AGMO: variants seen among roughly 807,000 people sequenced by gnomAD.
AGMO encodes the protein alkylglycerol monooxygenase.
Under a neutral mutation model 60.2 loss-of-function variants are expected in AGMO, and 75 were observed. That is an observed-to-expected ratio of 1.25 (90% CI 1.03 to 1.51). The LOEUF (loss-of-function observed/expected upper bound fraction) is 1.51. Among genes scored for constraint, AGMO ranks in the 40% most tolerant of loss-of-function variants. The pLI is 0.00. For synonymous variants in AGMO, 261 were observed against 177.1 expected (o/e 1.47, Z -3.76); for missense variants, 763 against 525.5 (o/e 1.45, Z -4.42).
At chr7:15,352,934 C>T (rs1170666471) in intron 12 of AGMO, among the ~76,000 whole-genome samples, 1 of 151,998 alleles carries the variant, frequency 6.6e-6, no homozygotes, top group Non-Finnish European at 1.5e-5. Context: ...TCATTTGGGG[C>T]ATATATTTCA....
intron 5 of AGMO, among the ~76,000 whole-genome samples, chr7:15,398,638 G>C (rs1784473652): frequency 6.6e-6 from 1 of 152,128 alleles, no homozygotes. Flanking sequence ...GTCTAGCTTT[G>C]AATCACTTCC....
At chr7:15,316,410 C>T (rs916210901) in intron 12 of AGMO, among the ~76,000 whole-genome samples, 2 of 152,110 alleles carry the variant, frequency 1.3e-5, no homozygotes, top group African/African-American at 4.8e-5. Context: ...TGGGGGCCCA[C>T]TTGAGGGCCA....
At chr7:15,120,056 T>G in the AGMO span, among the ~76,000 whole-genome samples, 1 of 152,046 alleles carries the variant, frequency 6.6e-6, no homozygotes, top group Non-Finnish European at 1.5e-5. Flanking sequence ...TGTTTACTCA[T>G]TACTAGATCT....
chr7:15,205,634 TTAAG>T (rs1420275852), intron 12 of AGMO, among the ~76,000 whole-genome samples: 1 of 152,134 alleles, frequency 6.6e-6, no homozygotes, highest in African/African-American at 2.4e-5. Flanking sequence ...TTGAGTTACT[TTAAG>T]TATAAAATGG....
chr7:15,360,461 T>A (rs1414318425), intron 12 of AGMO, among the ~76,000 whole-genome samples: 1 of 152,222 alleles, frequency 6.6e-6, no homozygotes, highest in Non-Finnish European at 1.5e-5. Context: ...ATGCTGAATG[T>A]ATGATACACT....
At chr7:15,560,027 T>C in intron 2 of AGMO, 114 bp downstream of exon 2, 1 of 1,093,524 alleles carries the variant, frequency 9.1e-7, no homozygotes, top group East Asian at 2.7e-5. Flanking sequence ...TGAACTGAAT[T>C]TTTTGGGAAA....
At chr7:15,190,138 TA>T in the AGMO span, among the ~76,000 whole-genome samples, 1 of 1,588 alleles carries the variant, frequency 6.3e-4, no homozygotes, top group African/African-American at 2.4e-3. Flanking sequence ...TATATATATA[TA>T]TATATATATA....
chr7:15,441,909 A>AT (rs1781568376), intron 3 of AGMO, among the ~76,000 whole-genome samples: 1 of 152,188 alleles, frequency 6.6e-6, no homozygotes, highest in African/African-American at 2.4e-5. Context: ...GAGTGGATGT[A>AT]TATTACCCCT....
chr7:15,171,479 T>C, the AGMO span, among the ~76,000 whole-genome samples: 7 of 152,276 alleles, frequency 4.6e-5, no homozygotes, highest in East Asian at 1.2e-3. Flanking sequence ...AGTCACTGTG[T>C]TTGGTCTAGA....
chr7:15,234,051 CACAA>C (rs1031691554), intron 12 of AGMO, among the ~76,000 whole-genome samples: 13 of 152,130 alleles, frequency 8.5e-5, no homozygotes, highest in Middle Eastern at 3.4e-3. Flanking sequence ...TTCGTCTCAA[CACAA>C]ACAAACAATA....
intron 3 of AGMO, among the ~76,000 whole-genome samples, chr7:15,472,124 T>C (rs1782463924): frequency 6.6e-6 from 1 of 151,918 alleles, no homozygotes; most frequent in South Asian, 2.1e-4. Context: ...ATTAAACTCC[T>C]TGAGGTTAAG....
At chr7:15,519,287 A>T (rs1562548780) in intron 3 of AGMO, among the ~76,000 whole-genome samples, 1 of 152,102 alleles carries the variant, frequency 6.6e-6, no homozygotes, top group Non-Finnish European at 1.5e-5. Context: ...CCAACATTCA[A>T]ATTCAGGAAA....
chr7:15,360,893 A>G (rs1782724578), intron 12 of AGMO, among the ~76,000 whole-genome samples: 3 of 152,148 alleles, frequency 2.0e-5, no homozygotes, highest in Admixed American at 2.0e-4. Flanking sequence ...TGCAGATAAA[A>G]TCAGGTTATG....
chr7:15,221,602 A>T (rs550020717), intron 12 of AGMO, among the ~76,000 whole-genome samples: 85 of 152,260 alleles, frequency 5.6e-4, no homozygotes, highest in Non-Finnish European at 1.1e-3. Context: ...GAAGCAGGAT[A>T]TGCTACGTGG....
intron 3 of AGMO, among the ~76,000 whole-genome samples, chr7:15,442,540 C>T (rs764010416): frequency 1.3e-5 from 2 of 152,130 alleles, no homozygotes; most frequent in Non-Finnish European, 1.5e-5. Context: ...ACATTACATC[C>T]AAACCCAAAT....
At chr7:15,131,562 T>C in the AGMO span, among the ~76,000 whole-genome samples, 1 of 152,112 alleles carries the variant, frequency 6.6e-6, no homozygotes, top group Non-Finnish European at 1.5e-5. Flanking sequence ...CATAAATTGT[T>C]TGACTACTTA....
chr7:15,395,242 G>T (rs562623379), intron 5 of AGMO, among the ~76,000 whole-genome samples: 2 of 152,266 alleles, frequency 1.3e-5, no homozygotes, highest in African/African-American at 4.8e-5. Flanking sequence ...AAAGAAATGA[G>T]TTAAATGATG....
intron 3 of AGMO, among the ~76,000 whole-genome samples, chr7:15,438,578 A>G (rs746244456): frequency 6.6e-6 from 1 of 152,192 alleles, no homozygotes; most frequent in Non-Finnish European, 1.5e-5. Context: ...GAGTGATAAT[A>G]ACATGTTTTA....
At chr7:15,396,944 A>T (rs941365934) in intron 5 of AGMO, among the ~76,000 whole-genome samples, 5 of 152,064 alleles carry the variant, frequency 3.3e-5, no homozygotes, top group African/African-American at 1.2e-4. Flanking sequence ...CTGATTAGTT[A>T]GCGACTGAGT....
Sources: gnomAD v4.1 joint callset for allele counts (sites outside exome capture counted in the v4.1 genomes callset) on GRCh38, gnomAD v4.1.1 for gene constraint, MANE v1.5 for transcripts, NCBI Gene and HGNC (gene_info 2026-07-23, HGNC 2026-07-21) for gene names.